FAT1: variants seen among roughly 807,000 people sequenced by gnomAD.
FAT1 encodes the protein FAT atypical cadherin 1, also known as protocadherin Fat 1.
Under a neutral mutation model 329.8 loss-of-function variants are expected in FAT1, and 171 were observed. That is an observed-to-expected ratio of 0.52 (90% CI 0.46 to 0.59). FAT1 has a LOEUF of 0.59. FAT1 is among the 20% of genes least tolerant of loss of function. The pLI is 0.00. For missense variants in FAT1, 5,672 were observed against 5,774.4 expected, an observed-to-expected ratio of 0.98 and a Z score of 0.57; for synonymous variants, 2,233 against 2,228.6, an observed-to-expected ratio of 1.00 and a Z score of -0.06.
chr4:186,686,088 C>G (rs1743445953), intron 2 of FAT1, among the ~76,000 whole-genome samples: 1 of 152,180 alleles, frequency 6.6e-6, no homozygotes, highest in African/African-American at 2.4e-5. Flanking sequence ...TCCATTAAAA[C>G]AGACAACTAC....
intron 1 of FAT1, among the ~76,000 whole-genome samples, chr4:186,719,593 T>A (rs1045673204): frequency 1.3e-5 from 2 of 152,072 alleles, no homozygotes; most frequent in African/African-American, 4.8e-5. Flanking sequence ...AAGGAAGGGG[T>A]TGGGAGAACA....
intron 22 of FAT1, 125 bp from the exon 23 acceptor site, chr4:186,598,250 C>G: frequency 1.0e-6 from 1 of 1,001,250 alleles, no homozygotes. Context: ...CTCACTCTCT[C>G]TGGGAAAAAA....
In FAT1 at chr4:186,709,630, T is replaced by C; in HGVS notation, c.198A>G (p.Pro66=). The change falls in exon 2 of 27, where the codon CCA becomes CCG. Residue 66 remains proline, a synonymous_variant. Coordinates refer to ENST00000441802, the MANE Select transcript of FAT1 (RefSeq NM_005245.4). Reference sequence around the variant, plus strand: ...CAATTTTGTACCTTACTTCCCACGCTGGATGTGTAATGTAAACACCCATCT... The same window carrying C: ...CAATTTTGTACCTTACTTCCCACGCCGGATGTGTAATGTAAACACCCATCT... ...PVKMGVYITH[P]AWEVRYKIVS... is the part of the protein sequence containing the mutation. 3 of 1,614,006 alleles carry C rather than the reference T, an allele frequency of 1.9e-6. No individual in the cohort carries two copies. The highest frequency in any genetic ancestry group is 2.5e-6 in the Non-Finnish European group (3 of 1,179,874).
rs188647368 is a variant in FAT1 at position 186,588,360 on chromosome 4, C to G, written c.*232G>C. On this transcript the variant is annotated 3_prime_UTR_variant, in exon 27 of 27. Transcript: ENST00000441802. ...TTTCGTTTGATTATTTTAACACAGA[C>G]AGATGTAAATCCCAAAAGACGTTGG... is the stretch of plus-strand genomic sequence containing the variant. 4.3e-4 allele frequency: 222 copies of G among 516,564 alleles called. 1 individual carries two copies. Among genetic ancestry groups the G allele is most frequent in the African/African-American group, 3.6e-3 (193 of 53,058 alleles). 32.0% of individuals were successfully genotyped at this position (516,564 alleles called of 1,614,324 possible). A position where few individuals can be genotyped will look rare whatever the true frequency, so the allele number is the denominator to read the frequency against.
upstream of FAT1, chr4:186,723,916 C>T (rs1745599801): frequency 6.6e-6 from 1 of 150,742 alleles, no homozygotes; most frequent in African/African-American, 2.4e-5. Context: ...GCTCATTTCT[C>T]GGGCGCGGAA....
intron 2 of FAT1, among the ~76,000 whole-genome samples, chr4:186,697,924 T>C (rs1253462259): frequency 6.6e-6 from 1 of 152,212 alleles, no homozygotes; most frequent in Non-Finnish European, 1.5e-5. Context: ...AGCCCCTTGG[T>C]ATTGAATCAA....
At chr4:186,715,957 C>T (rs1401527308) in intron 1 of FAT1, among the ~76,000 whole-genome samples, 2 of 152,036 alleles carry the variant, frequency 1.3e-5, no homozygotes, top group East Asian at 3.9e-4. Context: ...TAAAATGCTT[C>T]CATCAATTAC....
rs1739786556 is a variant in FAT1 at position 186,617,814 on chromosome 4, T to C, written c.8772A>G (p.Lys2924=). Residue 2924 remains lysine (K), a synonymous_variant, in exon 10 of 27, where the codon AAA becomes AAG. Transcript: ENST00000441802. ...SPPRFTAEIY[K]GTVSEDDPQG... is the part of the protein sequence containing the mutation. ...GGGGGTCATCCTCACTCACAGTCCCTTTATAGATCTCGGCCGTGAATCGTG... is the reference window on the plus strand; with the variant it reads ...GGGGGTCATCCTCACTCACAGTCCCCTTATAGATCTCGGCCGTGAATCGTG... The C allele has an allele frequency of 3.1e-6, 5 of 1,613,892 alleles. No individual in the cohort carries two copies. The highest frequency in any genetic ancestry group is 1.7e-5 in the Admixed American group (1 of 60,004).
intron 14 of FAT1, 104 bp from the exon 15 acceptor site, chr4:186,610,119 C>A: frequency 1.5e-6 from 1 of 659,808 alleles, no homozygotes; most frequent in East Asian, 2.8e-5. Flanking sequence ...GTTTTCACTT[C>A]AAAAGTTTAC....
upstream of FAT1, among the ~76,000 whole-genome samples, chr4:186,725,648 G>A (rs1303522119): frequency 6.6e-6 from 1 of 151,984 alleles, no homozygotes; most frequent in Non-Finnish European, 1.5e-5. The surrounding 1 kb of genome is among the most constrained non-coding windows in gnomAD (Gnocchi z 5.4). Context: ...AGCGCCAACA[G>A]AACGAAATGG....
chr4:186,631,052 C>T (rs1740559840), intron 7 of FAT1, among the ~76,000 whole-genome samples: 1 of 152,186 alleles, frequency 6.6e-6, no homozygotes, highest in African/African-American at 2.4e-5. Flanking sequence ...CACTGTCCTG[C>T]CGCCTACCTC....
At chr4:186,712,817 C>T (rs2126711092) in intron 1 of FAT1, among the ~76,000 whole-genome samples, 1 of 101,134 alleles carries the variant, frequency 9.9e-6, no homozygotes, top group Non-Finnish European at 2.0e-5. Context: ...CTAAAAATAC[C>T]TCTATCTCGA....
At chr4:186,639,911 G>A (rs894855360) in intron 3 of FAT1, 128 bp from the exon 4 acceptor site, 87 of 711,740 alleles carry the variant, frequency 1.2e-4, no homozygotes, top group Middle Eastern at 3.9e-4. Context: ...GGAGGCCCAG[G>A]GGGGTGGATT....
rs2126692796 is a variant in FAT1 at position 186,707,972 on chromosome 4, G to A, written c.1856C>T (p.Pro619Leu). The A allele has an allele frequency of 6.2e-7, 1 of 1,613,854 alleles. No individual in the cohort carries two copies. ...CTTTAATGACAATACCCCCGAGTTG[G>A]GGTTTAAACTAAAGAAATCCAGTTC... ...GNELDFFSLNPNSGVLSLKRS... is the reference protein window; with the variant it reads ...GNELDFFSLNLNSGVLSLKRS... Residue 619 changes from proline to leucine, a missense_variant, in exon 2 of 27, where the codon CCC becomes CTC. Pro to Leu is a moderately conservative substitution (Grantham distance 98). Transcript: ENST00000441802.
intron 2 of FAT1, among the ~76,000 whole-genome samples, chr4:186,677,178 A>G (rs1020584559): frequency 2.6e-5 from 4 of 152,186 alleles, no homozygotes; most frequent in Non-Finnish European, 5.9e-5. Context: ...ACTGAAGACG[A>G]ACTACTTACA....
chr4:186,611,451 G>T lies in FAT1; in HGVS notation c.9788C>A (p.Ala3263Glu), dbSNP rs1465884603. The change falls in exon 14 of 27, where the codon GCA becomes GAA. Residue 3263 changes from alanine (A) to glutamate (E), a missense_variant. Ala to Glu is a moderately radical substitution (Grantham distance 107). Transcript: ENST00000441802. ...YAASRDIEANAEITYSIISGN... is the reference protein window; with the variant it reads ...YAASRDIEANEEITYSIISGN... ...ACTTATTATTGAGTAGGTGATTTCT[G>T]CATTTGCTTCAATATCCCGACTTGC... The T allele has an allele frequency of 6.2e-7, 1 of 1,613,826 alleles. No individual in the cohort carries two copies. Among genetic ancestry groups the T allele is most frequent in the Admixed American group, 1.7e-5 (1 of 60,022 alleles).
At chr4:186,712,793 C>A (rs542368982) in intron 1 of FAT1, among the ~76,000 whole-genome samples, 1 of 152,208 alleles carries the variant, frequency 6.6e-6, no homozygotes, top group African/African-American at 2.4e-5. Context: ...CCCCTCATCA[C>A]CCAGCTGTGA....
intron 2 of FAT1, among the ~76,000 whole-genome samples, chr4:186,692,066 C>T (rs945986441): frequency 3.9e-5 from 6 of 152,062 alleles, no homozygotes; most frequent in East Asian, 1.9e-4. Flanking sequence ...TTTCTTCCCC[C>T]CCATGTATAT....
chr4:186,660,930 T>C (rs758236633), intron 3 of FAT1, among the ~76,000 whole-genome samples: 21 of 152,222 alleles, frequency 1.4e-4, no homozygotes, highest in Non-Finnish European at 2.5e-4. Context: ...ACCTATGCCA[T>C]GTGCTCAGAT....
Sources: allele counts gnomAD v4.1 joint callset (sites outside exome capture counted in the v4.1 genomes callset), GRCh38; gene constraint gnomAD v4.1.1; non-coding constraint Gnocchi (gnomAD v3.1); transcripts MANE v1.5; gene names NCBI Gene and HGNC (gene_info 2026-07-23, HGNC 2026-07-21).